The following NKAIN3 variants were observed in gnomAD, a reference collection of about 807,000 sequenced individuals.
The protein encoded by NKAIN3 is sodium/potassium transporting ATPase interacting 3, also known as sodium/potassium-transporting ATPase subunit beta-1-interacting protein 3.
In NKAIN3, 25 loss-of-function variants were observed where a neutral mutation model predicts 30.2. The observed-to-expected ratio is 0.83, with a 90% confidence interval of 0.60 to 1.16. The LOEUF (loss-of-function observed/expected upper bound fraction) is 1.16, where lower values mean the gene tolerates loss of function less well. NKAIN3 is among the 50% of genes most tolerant of loss of function. The pLI, the probability that NKAIN3 is intolerant of heterozygous loss-of-function variation, is 0.00. For synonymous variants in NKAIN3, 91 were observed against 89.6 expected (o/e 1.02, Z -0.09); for missense variants, 225 against 254.1 (o/e 0.89, Z 0.78).
chr8:62,412,908 T>A (rs1325613896), intron 1 of NKAIN3, among the ~76,000 whole-genome samples: 1 of 75,884 alleles, frequency 1.3e-5, no homozygotes, highest in Non-Finnish European at 2.8e-5. Context: ...TGAGACTCCG[T>A]CAAAAAAAAA....
chr8:62,626,774 G>A (rs978884013), intron 3 of NKAIN3, among the ~76,000 whole-genome samples: 8 of 152,056 alleles, frequency 5.3e-5, no homozygotes, highest in Admixed American at 3.9e-4. Flanking sequence ...CACCTTAAAC[G>A]AAACAGCAAA....
intron 1 of NKAIN3, among the ~76,000 whole-genome samples, chr8:62,548,526 G>A (rs1392926397): frequency 6.6e-6 from 1 of 152,058 alleles, no homozygotes; most frequent in Non-Finnish European, 1.5e-5. Flanking sequence ...TTCTGTCCAG[G>A]CACCACAGAG....
chr8:62,738,601 C>CCA (rs34460330), intron 3 of NKAIN3, among the ~76,000 whole-genome samples: 1 of 125,018 alleles, frequency 8.0e-6, no homozygotes, highest in Non-Finnish European at 1.6e-5. Context: ...ACTCCATCTC[C>CCA]AAAAAAAAAA....
chr8:62,653,238 T>C (rs1372263983), intron 3 of NKAIN3, among the ~76,000 whole-genome samples: 2 of 152,180 alleles, frequency 1.3e-5, no homozygotes, highest in South Asian at 2.1e-4. Context: ...GTGAGGCCCC[T>C]CTTCCTGGCT....
chr8:62,588,822 A>G (rs1179105384), intron 2 of NKAIN3, among the ~76,000 whole-genome samples: 1 of 151,814 alleles, frequency 6.6e-6, no homozygotes, highest in Non-Finnish European at 1.5e-5. Flanking sequence ...TGTATTTGAT[A>G]TGTTATTTGT....
intron 1 of NKAIN3, among the ~76,000 whole-genome samples, chr8:62,318,071 C>T (rs2129589151): frequency 6.6e-6 from 1 of 152,226 alleles, no homozygotes; most frequent in African/African-American, 2.4e-5. Context: ...TGATTTGGCT[C>T]TCTGTTTGTC....
chr8:62,574,651 A>C (rs1434665402), intron 1 of NKAIN3, among the ~76,000 whole-genome samples: 2 of 152,096 alleles, frequency 1.3e-5, no homozygotes, highest in Non-Finnish European at 2.9e-5. Context: ...GTAATGATTT[A>C]CGTTTCCACC....
chr8:62,655,837 G>A (rs1371261250), intron 3 of NKAIN3, among the ~76,000 whole-genome samples: 1 of 151,934 alleles, frequency 6.6e-6, no homozygotes, highest in Non-Finnish European at 1.5e-5. Context: ...GATCACCTAT[G>A]AAGAATATGT....
chr8:62,674,778 G>A (rs956239375), intron 3 of NKAIN3, among the ~76,000 whole-genome samples: 7 of 152,136 alleles, frequency 4.6e-5, no homozygotes, highest in Non-Finnish European at 7.3e-5. Context: ...GAGACTAGCC[G>A]GAAGGGAAGA....
rs1819217604 is a variant in NKAIN3, at chr8:62,832,233, G to T, written c.471+85104G>T. ...AAGGAAGTTCTAAACAGAAACAAAA[G>T]AACAATACCTGGTATGACCAAACAG... On this transcript the variant is annotated intron_variant, in intron 4 of 6. Coordinates refer to ENST00000623646, the MANE Select transcript of NKAIN3 (RefSeq NM_001304533.3). 3.5e-5 allele frequency among the ~76,000 whole-genome samples: 5 copies of T among 141,830 alleles called. No individual in the cohort carries two copies. In the Admixed American group the frequency reaches 3.6e-4, roughly 10 times the overall value. 93.0% of individuals were successfully genotyped at this position (141,830 alleles called of 152,430 possible). A position where few individuals can be genotyped will look rare whatever the true frequency, so the allele number is the denominator to read the frequency against.
chr8:62,425,999 C>A (rs1804794019), intron 1 of NKAIN3, among the ~76,000 whole-genome samples: 1 of 151,948 alleles, frequency 6.6e-6, no homozygotes, highest in Admixed American at 6.6e-5. Flanking sequence ...ATCCTGTCTA[C>A]TTTAATGGAT....
downstream of NKAIN3, among the ~76,000 whole-genome samples, chr8:62,989,671 A>C (rs962759732): frequency 1.3e-5 from 2 of 152,210 alleles, no homozygotes; most frequent in East Asian, 3.8e-4. Context: ...GCACTCCAAC[A>C]GAGGGAGACT....
At chr8:62,739,043 C>T (rs1403643172) in intron 3 of NKAIN3, among the ~76,000 whole-genome samples, 1 of 152,156 alleles carries the variant, frequency 6.6e-6, no homozygotes, top group Non-Finnish European at 1.5e-5. Context: ...CATATTCTCA[C>T]TCATAAGTGC....
At chr8:62,264,510 C>A (rs1563911468) in intron 1 of NKAIN3, among the ~76,000 whole-genome samples, 1 of 152,180 alleles carries the variant, frequency 6.6e-6, no homozygotes. Context: ...ATTACTCCTT[C>A]CCCACTTGGT....
chr8:62,750,779 G>A (rs1033110925), intron 4 of NKAIN3, among the ~76,000 whole-genome samples: 3 of 152,118 alleles, frequency 2.0e-5, no homozygotes, highest in Non-Finnish European at 2.9e-5. Flanking sequence ...ATGGTATTGT[G>A]GGGGAGCAGC....
chr8:62,314,387 C>T (rs540432531), intron 1 of NKAIN3, among the ~76,000 whole-genome samples: 1 of 152,128 alleles, frequency 6.6e-6, no homozygotes, highest in South Asian at 2.1e-4. Flanking sequence ...TGGTCAGGTC[C>T]GATTTTGCCC....
Position 62,917,270 on chromosome 8 carries a change from C to T in NKAIN3, c.472-1183C>T, listed in dbSNP as rs1563626844. ...TCCAAGTGTGAGTTGGGTGCCAAGC[C>T]CCATGCTTCCCAAAATGTAAGAAAT... On this transcript the variant is annotated intron_variant, in intron 4 of 6. Coordinates refer to ENST00000623646, the MANE Select transcript of NKAIN3 (RefSeq NM_001304533.3). Among the ~76,000 whole-genome samples the T allele has an allele frequency of 4.6e-5, 7 of 152,242 alleles. No individual in the cohort carries two copies. The South Asian group carries it at 1.2e-3, about 27-fold the overall frequency.
chr8:62,731,253 A>G (rs1445599285), intron 3 of NKAIN3, among the ~76,000 whole-genome samples: 3 of 151,722 alleles, frequency 2.0e-5, no homozygotes, highest in Non-Finnish European at 4.4e-5. Flanking sequence ...ACACACACAC[A>G]CACACACACA....
At chr8:62,865,390 A>G (rs892472659) in intron 4 of NKAIN3, among the ~76,000 whole-genome samples, 1 of 152,236 alleles carries the variant, frequency 6.6e-6, no homozygotes, top group Non-Finnish European at 1.5e-5. Flanking sequence ...ATTCTTTAAC[A>G]GGATTACAAG....
Sources: gnomAD v4.1 joint callset for allele counts (sites outside exome capture counted in the v4.1 genomes callset) on GRCh38, gnomAD v4.1.1 for gene constraint, MANE v1.5 for transcripts, NCBI Gene and HGNC (gene_info 2026-07-23, HGNC 2026-07-21) for gene names.